IL13RA1: variants seen among roughly 807,000 people sequenced by gnomAD.
The protein encoded by IL13RA1 is interleukin-13 receptor subunit alpha-1.
IL13RA1 carries 14 observed loss-of-function variants against 33.8 expected under a neutral mutation model. The ratio of observed to expected loss-of-function variants is 0.41; its 90% CI spans 0.27 to 0.65. IL13RA1 has a LOEUF of 0.65. Ranked by LOEUF, IL13RA1 falls within the 30% of genes least tolerant of loss-of-function variation. IL13RA1 has a pLI of 0.28. For missense variants in IL13RA1, 313 were observed against 327.0 expected (o/e 0.96, Z 0.33); for synonymous variants, 116 against 115.7 (o/e 1.00, Z -0.02).
intron 3 of IL13RA1, among the ~76,000 whole-genome samples, chrX:118,747,742 T>G (rs971529323): frequency 1.8e-5 from 2 of 110,871 alleles, no homozygotes; most frequent in Non-Finnish European, 3.8e-5. Context: ...CCCAATGTCC[T>G]TCTGGCTCTT....
At chrX:118,749,186 G>C (rs1039463093) in intron 3 of IL13RA1, among the ~76,000 whole-genome samples, 20 of 112,271 alleles carry the variant, frequency 1.8e-4, no homozygotes, top group African/African-American at 5.8e-4. Flanking sequence ...AAAGTGCTGG[G>C]AATACAGGCG....
chrX:118,737,939 TA>T (rs1402328393), intron 1 of IL13RA1: 1 of 111,778 alleles, frequency 8.9e-6, no homozygotes, highest in Admixed American at 9.5e-5. Flanking sequence ...ACAATGTTTT[TA>T]TTGGAGGCTC....
chrX:118,797,359 C>A (rs775973397), downstream of IL13RA1, among the ~76,000 whole-genome samples: 1 of 112,258 alleles, frequency 8.9e-6, no homozygotes, highest in African/African-American at 3.2e-5. Flanking sequence ...GTGGGAAGAA[C>A]AAAGGAATTA....
intron 10 of IL13RA1, among the ~76,000 whole-genome samples, chrX:118,781,200 T>TAA (rs11390176): frequency 8.7e-4 from 91 of 105,016 alleles, no homozygotes; most frequent in South Asian, 2.6e-3. Flanking sequence ...CTCTTATCCA[T>TAA]AAAAAAAAAA....
In IL13RA1 at chrX:118,792,902, C is replaced by T. The variant is rs1445639613; in HGVS notation, c.*1048C>T. ...GAAGTCTCTAACAATGTATTTTCTTCACCTCTGCTACTCAAGTAGCATTTA... is the reference window on the plus strand; with the variant it reads ...GAAGTCTCTAACAATGTATTTTCTTTACCTCTGCTACTCAAGTAGCATTTA... On this transcript the variant is annotated 3_prime_UTR_variant, in exon 11 of 11. Transcript: ENST00000371666. 1 of 111,813 alleles carries T rather than the reference C, an allele frequency of 8.9e-6. No individual in the cohort carries two copies. Among genetic ancestry groups the T allele is most frequent in the African/African-American group, 3.3e-5 (1 of 30,700 alleles). 9.2% of individuals were successfully genotyped at this position (111,813 alleles called of 1,213,427 possible). A position where few individuals can be genotyped will look rare whatever the true frequency, so the allele number is the denominator to read the frequency against.
chrX:118,745,363 C>T (rs1369524724), intron 2 of IL13RA1, among the ~76,000 whole-genome samples: 3 of 112,014 alleles, frequency 2.7e-5, no homozygotes, highest in African/African-American at 9.7e-5. Context: ...TCAATGCCCA[C>T]ATTCCTGTAT....
intron 3 of IL13RA1, among the ~76,000 whole-genome samples, chrX:118,748,040 C>CGTGTGTGTGTGTGT: frequency 1.9e-5 from 1 of 53,849 alleles, no homozygotes; most frequent in Non-Finnish European, 3.7e-5. Context: ...TGTGTGTGTA[C>CGTGTGTGTGTGTGT]ACACACAAAA....
At chrX:118,803,854 T>TTTCCTTCCTTCCTTCCTTCC in the IL13RA1 span, among the ~76,000 whole-genome samples, 2 of 69,383 alleles carry the variant, frequency 2.9e-5, no homozygotes, top group African/African-American at 5.3e-5. Context: ...TGTTTTCTCT[T>TTTCCTTCCTTCCTTCCTTCC]TTCCTTCCTT....
intron 8 of IL13RA1, among the ~76,000 whole-genome samples, chrX:118,772,723 G>A (rs1190203123): frequency 1.8e-5 from 2 of 111,620 alleles, no homozygotes; most frequent in East Asian, 2.8e-4. Context: ...CCACTCATTC[G>A]TTTATACTCC....
At chrX:118,765,221 C>T (rs1480682002) in intron 6 of IL13RA1, among the ~76,000 whole-genome samples, 1 of 109,768 alleles carries the variant, frequency 9.1e-6, no homozygotes, top group Non-Finnish European at 1.9e-5. Flanking sequence ...TCTTAGCGTG[C>T]GGAGTAGCTG....
At chrX:118,740,022 C>T (rs758429066) in intron 1 of IL13RA1, among the ~76,000 whole-genome samples, 44 of 112,174 alleles carry the variant, frequency 3.9e-4, no homozygotes, top group African/African-American at 1.4e-3. Context: ...CTCACTGCAG[C>T]GGCATGATCT....
intron 10 of IL13RA1, among the ~76,000 whole-genome samples, chrX:118,779,800 CTG>C (rs760914891): frequency 2.7e-5 from 3 of 111,717 alleles, no homozygotes; most frequent in South Asian, 7.5e-4. Context: ...CTTGGTGAGT[CTG>C]TGTGGGTGAT....
intron 10 of IL13RA1, among the ~76,000 whole-genome samples, chrX:118,786,218 G>C (rs767842720): frequency 9.1e-6 from 1 of 109,795 alleles, no homozygotes; most frequent in Admixed American, 9.8e-5. Context: ...GCAAAACCCC[G>C]TCTCTACTAA....
At chrX:118,769,339 T>C (rs2017684791) in intron 8 of IL13RA1, among the ~76,000 whole-genome samples, 2 of 112,659 alleles carry the variant, frequency 1.8e-5, no homozygotes. Flanking sequence ...CAAGGCAGGC[T>C]TTGGAATTGG....
chrX:118,770,586 G>A (rs2017707394), intron 8 of IL13RA1: 1 of 482,753 alleles, frequency 2.1e-6, no homozygotes, highest in Non-Finnish European at 3.7e-6. Context: ...TGTTCCGCAA[G>A]CTGTACGGGC....
At chrX:118,767,520 G>A (rs979046717) in intron 8 of IL13RA1, among the ~76,000 whole-genome samples, 2 of 110,589 alleles carry the variant, frequency 1.8e-5, no homozygotes, top group Middle Eastern at 4.6e-3. Context: ...CAGCCTGGGC[G>A]ACAGAGTGAG....
intron 10 of IL13RA1, among the ~76,000 whole-genome samples, chrX:118,784,078 A>G (rs1490955192): frequency 2.8e-4 from 13 of 46,066 alleles, no homozygotes; most frequent in South Asian, 1.3e-3. Flanking sequence ...CTCTGTCGCC[A>G]AAAAAAAAAA....
Position 118,746,975 on chromosome X carries a change from C to T in IL13RA1, c.250C>T (p.Arg84Cys), listed in dbSNP as rs868364189. ...TTAGAAAATAGCTCCGGAAACTCGTCGTTCAATAGAAGTACCCCTGAATGA... is the reference window on the plus strand; with the variant it reads ...TTAGAAAATAGCTCCGGAAACTCGTTGTTCAATAGAAGTACCCCTGAATGA... ...QDKKIAPETR[R>C]SIEVPLNERI... The change falls in exon 3 of 11, where the codon CGT (arginine) becomes TGT (cysteine). Residue 84 changes from arginine (R) to cysteine (C), a missense_variant. Arg to Cys is a radical substitution (Grantham distance 180). Coordinates refer to ENST00000371666, the MANE Select transcript of IL13RA1 (RefSeq NM_001560.3). The T allele has an allele frequency of 2.5e-6, 3 of 1,189,458 alleles. No homozygotes were observed. The highest frequency in any genetic ancestry group is 3.4e-6 in the Non-Finnish European group (3 of 876,714).
chrX:118,781,882 C>A (rs1291505418), intron 10 of IL13RA1, among the ~76,000 whole-genome samples: 1 of 111,330 alleles, frequency 9.0e-6, no homozygotes, highest in African/African-American at 3.3e-5. Context: ...CAGCATGTCC[C>A]CTCCTGCCAT....
Sources: allele counts gnomAD v4.1 joint callset (sites outside exome capture counted in the v4.1 genomes callset), GRCh38; gene constraint gnomAD v4.1.1; transcripts MANE v1.5; gene names NCBI Gene and HGNC (gene_info 2026-07-23, HGNC 2026-07-21).